Variants in SLC25A48 observed in about 807,000 individuals in gnomAD.
SLC25A48 encodes the protein solute carrier family 25 member 48, also known as CTC-321K16.1.
SLC25A48 carries 29 observed loss-of-function variants against 32.2 expected under a neutral mutation model. That is an observed-to-expected ratio of 0.90 (90% confidence interval 0.67 to 1.23). The LOEUF (loss-of-function observed/expected upper bound fraction) is 1.23. Among genes scored for constraint, SLC25A48 ranks in the 50% most tolerant of loss-of-function variants. SLC25A48 has a pLI of 0.00. For synonymous variants in SLC25A48, 164 were observed against 172.3 expected (o/e 0.95, Z 0.38); for missense variants, 399 against 422.7 (o/e 0.94, Z 0.49).
chr5:135,676,059 C>A (rs1372747166), intron 3 of SLC25A48, among the ~76,000 whole-genome samples: 2 of 151,814 alleles, frequency 1.3e-5, no homozygotes, highest in East Asian at 1.9e-4. Flanking sequence ...GATTTTATAT[C>A]CTGCAACATT....
intron 3 of SLC25A48, among the ~76,000 whole-genome samples, chr5:135,747,084 G>A (rs1010522512): frequency 6.6e-6 from 1 of 151,556 alleles, no homozygotes; most frequent in Non-Finnish European, 1.5e-5. Flanking sequence ...TGGTAAAGGT[G>A]GTGTCTGCCC....
intron 3 of SLC25A48, among the ~76,000 whole-genome samples, chr5:135,736,966 C>T (rs1755376471): frequency 6.6e-6 from 1 of 152,132 alleles, no homozygotes; most frequent in South Asian, 2.1e-4. Context: ...GTGAGATGTT[C>T]CTTGGGCTGG....
intron 3 of SLC25A48, among the ~76,000 whole-genome samples, chr5:135,729,143 G>A (rs1755167284): frequency 6.6e-6 from 1 of 152,032 alleles, no homozygotes; most frequent in African/African-American, 2.4e-5. Flanking sequence ...AGGTACATGG[G>A]GACTTCTGGG....
intron 3 of SLC25A48, among the ~76,000 whole-genome samples, chr5:135,747,842 A>G (rs1755675619): frequency 6.6e-6 from 1 of 152,210 alleles, no homozygotes; most frequent in African/African-American, 2.4e-5. Flanking sequence ...ATGTCCTTTT[A>G]TAGTCCTACT....
intron 3 of SLC25A48, among the ~76,000 whole-genome samples, chr5:135,751,698 G>A (rs1392076887): frequency 3.3e-5 from 5 of 152,150 alleles, no homozygotes; most frequent in African/African-American, 9.7e-5. Context: ...ACTGGGCATG[G>A]TGGTGCGTGC....
intron 4 of SLC25A48, among the ~76,000 whole-genome samples, chr5:135,861,968 A>T (rs2126773713): frequency 6.6e-6 from 1 of 152,382 alleles, no homozygotes; most frequent in East Asian, 1.9e-4. Context: ...GCCACTTGGC[A>T]AGCAAGGAGA....
intron 3 of SLC25A48, among the ~76,000 whole-genome samples, chr5:135,681,587 C>T (rs1188403025): frequency 6.6e-6 from 1 of 152,084 alleles, no homozygotes; most frequent in Non-Finnish European, 1.5e-5. Context: ...GTAGTATTAT[C>T]CTGCTTCTTG....
intron 7 of SLC25A48, among the ~76,000 whole-genome samples, chr5:135,887,489 C>T (rs946094258): frequency 2.0e-5 from 3 of 151,918 alleles, no homozygotes; most frequent in African/African-American, 7.2e-5. Context: ...CACACACACA[C>T]ATATATATGT....
intron 3 of SLC25A48, among the ~76,000 whole-genome samples, chr5:135,796,063 C>T (rs891547425): frequency 3.3e-5 from 5 of 149,520 alleles, no homozygotes; most frequent in East Asian, 2.0e-4. Flanking sequence ...TATCCAGTGT[C>T]GGAGAGGATG....
chr5:135,866,512 G>A (rs965910894), intron 4 of SLC25A48, among the ~76,000 whole-genome samples: 1 of 152,200 alleles, frequency 6.6e-6, no homozygotes, highest in Non-Finnish European at 1.5e-5. Flanking sequence ...GTCCAGCCCA[G>A]CTCAGCCCTT....
Position 135,819,094 on chromosome 5 carries a change from TA to T in SLC25A48, c.-117+6179del, listed in dbSNP as rs369833148. Among the ~76,000 whole-genome samples, 351 of 141,526 alleles carry T rather than the reference TA, an allele frequency of 2.5e-3. 1 individual carries two copies. Among genetic ancestry groups the T allele is most frequent in the African/African-American group, 7.0e-3 (270 of 38,640 alleles). The allele number at this position is 141,526 out of a possible 152,430, so 92.8% of individuals were successfully genotyped here. Reference sequence around the variant, plus strand: ...GCCTCAGGGATCCATGGAAAAACATTAAAAAAAAAAATCTAACATACATGAC... The same window carrying T: ...GCCTCAGGGATCCATGGAAAAACATTAAAAAAAAAATCTAACATACATGAC... On this transcript the variant is annotated intron_variant, in intron 4 of 10. Transcript: ENST00000646290.
intron 1 of SLC25A48, among the ~76,000 whole-genome samples, chr5:135,616,340 T>C (rs1752192137): frequency 6.6e-6 from 1 of 152,166 alleles, no homozygotes; most frequent in Admixed American, 6.5e-5. Context: ...AGAGCAGCCA[T>C]GGACACTGAG....
In SLC25A48 at chr5:135,669,388, T is replaced by G. The variant is rs187054181; in HGVS notation, c.-521+34432T>G. On this transcript the variant is annotated intron_variant, in intron 3 of 10. Coordinates refer to the SLC25A48 transcript ENST00000646290. Reference sequence around the variant, plus strand: ...AGAGAAGGATTTGTGTGCAAGTTGCTTATTGGGAAGTGATGCCAGGAAGCA... The same window carrying G: ...AGAGAAGGATTTGTGTGCAAGTTGCGTATTGGGAAGTGATGCCAGGAAGCA... 2.0e-5 allele frequency among the ~76,000 whole-genome samples: 3 copies of G among 152,082 alleles called. No individual in the cohort carries two copies. In the East Asian group the frequency reaches 5.8e-4, roughly 30 times the overall value.
chr5:135,739,932 T>C (rs763701603), intron 3 of SLC25A48, among the ~76,000 whole-genome samples: 14 of 152,212 alleles, frequency 9.2e-5, no homozygotes, highest in Non-Finnish European at 1.2e-4. Flanking sequence ...GTGAATGATA[T>C]AAACAGTTGT....
chr5:135,857,295 G>T (rs1760409559), intron 4 of SLC25A48, among the ~76,000 whole-genome samples: 1 of 152,228 alleles, frequency 6.6e-6, no homozygotes. Context: ...AGCATTTGGA[G>T]ACTAGAGGAA....
intron 3 of SLC25A48, among the ~76,000 whole-genome samples, chr5:135,678,895 G>T (rs1454507840): frequency 6.6e-6 from 1 of 152,152 alleles, no homozygotes; most frequent in Non-Finnish European, 1.5e-5. Context: ...CATAGGGTGG[G>T]TCCATTCCTG....
intron 3 of SLC25A48, among the ~76,000 whole-genome samples, chr5:135,692,483 T>C (rs577529343): frequency 6.6e-6 from 1 of 152,278 alleles, no homozygotes; most frequent in South Asian, 2.1e-4. Context: ...TTTTGAAAAA[T>C]CTGCATCATG....
chr5:135,766,234 G>A (rs967741841), intron 3 of SLC25A48, among the ~76,000 whole-genome samples: 8 of 150,650 alleles, frequency 5.3e-5, no homozygotes, highest in South Asian at 2.1e-4. Context: ...TCCCCATATC[G>A]CGGTGGGTGT....
intron 3 of SLC25A48, among the ~76,000 whole-genome samples, chr5:135,738,564 C>T (rs1256328758): frequency 6.6e-6 from 1 of 152,192 alleles, no homozygotes; most frequent in African/African-American, 2.4e-5. Context: ...TAGGTGAAGA[C>T]TGGTTTAGTC....
Sources: gnomAD v4.1 joint callset for allele counts (sites outside exome capture counted in the v4.1 genomes callset) on GRCh38, gnomAD v4.1.1 for gene constraint, MANE v1.5 for transcripts, NCBI Gene and HGNC (gene_info 2026-07-23, HGNC 2026-07-21) for gene names.